The following NTN1 variants were observed in gnomAD, a reference collection of about 807,000 sequenced individuals.
NTN1 encodes the protein netrin 1.
In NTN1, 11 loss-of-function variants were observed where a neutral mutation model predicts 54.2. The observed-to-expected ratio is 0.20, with a 90% CI of 0.13 to 0.34. The LOEUF is 0.34. Ranked by LOEUF, NTN1 falls within the 10% of genes least tolerant of loss-of-function variation. The probability of loss-of-function intolerance (pLI) is 1.00; values close to 1 mark genes in which losing one functional copy is unlikely to be tolerated. For synonymous variants in NTN1, 371 were observed against 382.0 expected (o/e 0.97, Z 0.33); for missense variants, 740 against 893.1 (o/e 0.83, Z 2.18).
chr17:9,081,569 G>A (rs138867293), intron 2 of NTN1, among the ~76,000 whole-genome samples: 46 of 152,036 alleles, frequency 3.0e-4, no homozygotes, highest in African/African-American at 7.5e-4. Context: ...TGCCCCACCC[G>A]TCCACACATC....
chr17:9,114,794 GA>G (rs2092205264), intron 2 of NTN1, among the ~76,000 whole-genome samples: 8 of 152,206 alleles, frequency 5.3e-5, no homozygotes, highest in Admixed American at 5.2e-4. Flanking sequence ...AAAGTGGGAT[GA>G]AAGATGTTAC....
chr17:9,164,317 TG>T (rs1459284166), intron 3 of NTN1, among the ~76,000 whole-genome samples: 1 of 151,624 alleles, frequency 6.6e-6, no homozygotes, highest in Non-Finnish European at 1.5e-5. Flanking sequence ...CCCAGCTACT[TG>T]GGAGGCTGAG....
intron 2 of NTN1, among the ~76,000 whole-genome samples, chr17:9,073,211 A>G (rs915219543): frequency 2.0e-4 from 31 of 152,164 alleles, no homozygotes; most frequent in African/African-American, 6.3e-4. Context: ...CGCGTATCCC[A>G]CCTGGGCCCC....
intron 5 of NTN1, chr17:9,183,351 G>A (rs182513596): frequency 2.0e-6 from 1 of 511,462 alleles, no homozygotes. Context: ...GGAGGCTTGG[G>A]CACAGGGTCG....
chr17:9,074,226 C>T lies in NTN1; in HGVS notation c.1018+50835C>T, dbSNP rs542289231. 4.1e-4 allele frequency among the ~76,000 whole-genome samples: 63 copies of T among 152,314 alleles called. 1 individual carries two copies. Among genetic ancestry groups the T allele is most frequent in the Admixed American group, 4.1e-3 (62 of 15,302 alleles). On this transcript the variant is annotated intron_variant, in intron 2 of 6. Transcript: ENST00000173229. ...GGCGAGGTGGCTTCCTGCAAGACGGCGTGTAAGCTCAGCAACTGCATTTTT... is the reference window on the plus strand; with the variant it reads ...GGCGAGGTGGCTTCCTGCAAGACGGTGTGTAAGCTCAGCAACTGCATTTTT...
chr17:9,120,010 G>C (rs893426389), intron 2 of NTN1, among the ~76,000 whole-genome samples: 13 of 152,148 alleles, frequency 8.5e-5, no homozygotes, highest in Non-Finnish European at 1.8e-4. Context: ...GCCGGGCGTG[G>C]TGGCTCACAC....
chr17:9,171,493 G>A (rs1407477814), intron 3 of NTN1: 1 of 152,258 alleles, frequency 6.6e-6, no homozygotes, highest in Non-Finnish European at 1.5e-5. Flanking sequence ...TTTTTGATGG[G>A]AGGTTGACAA....
intron 2 of NTN1, among the ~76,000 whole-genome samples, chr17:9,114,156 A>ATATATATATATAT (rs1343963464): frequency 3.4e-5 from 3 of 87,266 alleles, no homozygotes; most frequent in African/African-American, 1.3e-4. Context: ...AAAAAAAGAA[A>ATATATATATATAT]AAAAAAAAAA....
At chr17:9,038,256 T>TCC (rs55701411) in intron 2 of NTN1, among the ~76,000 whole-genome samples, 1 of 146,358 alleles carries the variant, frequency 6.8e-6, no homozygotes, top group Non-Finnish European at 1.5e-5. Flanking sequence ...CTCCTCTCTT[T>TCC]CTCTCTCTCC....
chr17:9,156,031 C>T (rs550057440), intron 2 of NTN1, among the ~76,000 whole-genome samples: 4 of 152,226 alleles, frequency 2.6e-5, no homozygotes, highest in Non-Finnish European at 5.9e-5. Context: ...TACCCAGGAG[C>T]CATGGACTTA....
intron 2 of NTN1, 135 bp downstream of exon 2, chr17:9,023,526 G>A (rs1188215531): frequency 2.7e-6 from 3 of 1,127,514 alleles, no homozygotes; most frequent in Non-Finnish European, 3.5e-6. Context: ...CCCGGGACCC[G>A]GGAGGGCTCA....
intron 2 of NTN1, among the ~76,000 whole-genome samples, chr17:9,141,151 A>T (rs1385237080): frequency 6.6e-6 from 1 of 151,930 alleles, no homozygotes; most frequent in Non-Finnish European, 1.5e-5. Flanking sequence ...AGCTCAAAGA[A>T]GATGTGGGGA....
intron 3 of NTN1, 146 bp downstream of exon 3, chr17:9,163,147 G>GAC (rs56255655): frequency 0.03 from 15,947 of 523,458 alleles, 155 homozygotes; most frequent in Non-Finnish European, 0.036. Flanking sequence ...CTCTCTCTGT[G>GAC]ACACACACAC....
chr17:9,200,342 A>C (rs1444615261), intron 5 of NTN1, among the ~76,000 whole-genome samples: 2 of 152,174 alleles, frequency 1.3e-5, no homozygotes, highest in African/African-American at 4.8e-5. Context: ...AGCAGATACC[A>C]ATGAATGCAG....
At chr17:9,008,543 G>A in the NTN1 span, among the ~76,000 whole-genome samples, 11 of 151,952 alleles carry the variant, frequency 7.2e-5, no homozygotes, top group African/African-American at 2.2e-4. Flanking sequence ...GGCTGGTCTC[G>A]AACTCCTGAC....
At chr17:9,209,420 C>T (rs906244425) in intron 5 of NTN1, among the ~76,000 whole-genome samples, 1 of 152,218 alleles carries the variant, frequency 6.6e-6, no homozygotes, top group African/African-American at 2.4e-5. Context: ...GGGGCCAGAG[C>T]GGACCTGTCA....
At chr17:9,084,742 C>G (rs994873720) in intron 2 of NTN1, among the ~76,000 whole-genome samples, 1 of 150,078 alleles carries the variant, frequency 6.7e-6, no homozygotes, top group African/African-American at 2.5e-5. Flanking sequence ...ACCTCCGCCT[C>G]CTGGGTTCAA....
chr17:9,005,793 G>T, the NTN1 span, among the ~76,000 whole-genome samples: 1 of 152,310 alleles, frequency 6.6e-6, no homozygotes, highest in Admixed American at 6.5e-5. Context: ...GGGGTGAACT[G>T]TGCACCCAGC....
chr17:9,175,294 T>C (rs2092397046), intron 3 of NTN1: 1 of 152,212 alleles, frequency 6.6e-6, no homozygotes, highest in South Asian at 2.1e-4. Context: ...CGGAAGTCCC[T>C]GGGTACTCCC....
Sources: gnomAD v4.1 joint callset for allele counts (sites outside exome capture counted in the v4.1 genomes callset) on GRCh38, gnomAD v4.1.1 for gene constraint, MANE v1.5 for transcripts, NCBI Gene and HGNC (gene_info 2026-07-23, HGNC 2026-07-21) for gene names.